MINDY3: variants seen among roughly 807,000 people sequenced by gnomAD.
MINDY3 encodes the protein ubiquitin carboxyl-terminal hydrolase MINDY-3.
Under a neutral mutation model 69.2 loss-of-function variants are expected in MINDY3, and 38 were observed. The ratio of observed to expected loss-of-function variants is 0.55; its 90% CI spans 0.42 to 0.72. MINDY3 has a LOEUF of 0.72. Ranked by LOEUF, MINDY3 falls within the 30% of genes least tolerant of loss-of-function variation. MINDY3 has a pLI of 0.00. For missense variants in MINDY3, 522 were observed against 519.0 expected (o/e 1.01, Z -0.06); for synonymous variants, 192 against 180.1 (o/e 1.07, Z -0.53).
chr10:15,784,724 G>GA (rs1836820223), intron 13 of MINDY3, among the ~76,000 whole-genome samples: 1 of 152,116 alleles, frequency 6.6e-6, no homozygotes, highest in Non-Finnish European at 1.5e-5. Flanking sequence ...GTAAAGGAGC[G>GA]AAACTCCATC....
chr10:15,835,807 T>C (rs1322820769), intron 6 of MINDY3, among the ~76,000 whole-genome samples: 1 of 152,076 alleles, frequency 6.6e-6, no homozygotes, highest in Non-Finnish European at 1.5e-5. Flanking sequence ...CAAATAGGTA[T>C]TTATTTACAT....
chr10:15,794,071 A>T (rs553074273), intron 11 of MINDY3, among the ~76,000 whole-genome samples: 2 of 152,204 alleles, frequency 1.3e-5, no homozygotes, highest in South Asian at 4.2e-4. Context: ...TTTATCAACC[A>T]GGGGTGGGAG....
At chr10:15,780,790 G>T (rs1836466286) in intron 14 of MINDY3, among the ~76,000 whole-genome samples, 1 of 152,010 alleles carries the variant, frequency 6.6e-6, no homozygotes, top group Non-Finnish European at 1.5e-5. Context: ...TTTTGTTGGT[G>T]TGTCAGAAGC....
At chr10:15,850,453 G>A (rs1027991118) in intron 1 of MINDY3, among the ~76,000 whole-genome samples, 1 of 152,122 alleles carries the variant, frequency 6.6e-6, no homozygotes, top group African/African-American at 2.4e-5. Context: ...CTTTTTCTCA[G>A]CAAGGAACAG....
chr10:15,779,197 G>T, intron 14 of MINDY3, 56 bp from the exon 15 acceptor site: 5 of 1,523,230 alleles, frequency 3.3e-6, no homozygotes. Flanking sequence ...AAATTCTTAT[G>T]TGGAATGAAA....
At chr10:15,839,835 T>C (rs981895895) in intron 4 of MINDY3, among the ~76,000 whole-genome samples, 1 of 151,682 alleles carries the variant, frequency 6.6e-6, no homozygotes, top group African/African-American at 2.4e-5. Flanking sequence ...TCATGGCAAC[T>C]TTTAAAATGA....
intron 10 of MINDY3, among the ~76,000 whole-genome samples, chr10:15,796,488 C>A (rs867553103): frequency 8.4e-4 from 118 of 140,456 alleles, no homozygotes; most frequent in Middle Eastern, 7.4e-3. Context: ...AAAAAAAAAA[C>A]AAAAAACAAA....
chr10:15,802,979 T>C (rs988514419), intron 10 of MINDY3, among the ~76,000 whole-genome samples: 1 of 152,178 alleles, frequency 6.6e-6, no homozygotes, highest in Non-Finnish European at 1.5e-5. Context: ...AAGAGATTAT[T>C]GTAAATTCAA....
chr10:15,844,557 T>C (rs1165716348), intron 2 of MINDY3, among the ~76,000 whole-genome samples: 1 of 152,182 alleles, frequency 6.6e-6, no homozygotes, highest in Non-Finnish European at 1.5e-5. Flanking sequence ...AGTTTACTTA[T>C]TATTTAAATT....
chr10:15,789,989 C>CAA (rs1472740939), intron 11 of MINDY3, among the ~76,000 whole-genome samples: 1 of 152,072 alleles, frequency 6.6e-6, no homozygotes, highest in Non-Finnish European at 1.5e-5. Flanking sequence ...TGGTTTTAAA[C>CAA]AAAAGTTGTT....
chr10:15,849,756 T>C (rs1378225905), intron 1 of MINDY3, among the ~76,000 whole-genome samples: 2 of 152,114 alleles, frequency 1.3e-5, no homozygotes, highest in African/African-American at 4.8e-5. Flanking sequence ...CTTCAATCTC[T>C]TCCAGGAAGC....
rs941604468 is a variant in MINDY3 at position 15,833,543 on chromosome 10, A to T, written c.730+87T>A. 5 of 843,522 alleles carry T rather than the reference A, an allele frequency of 5.9e-6. No homozygotes were observed. In the African/African-American group the frequency reaches 8.5e-5, roughly 14 times the overall value. 52.3% of individuals were successfully genotyped at this position (843,522 alleles called of 1,614,324 possible). A position where few individuals can be genotyped will look rare whatever the true frequency, so the allele number is the denominator to read the frequency against. ...AACACTTAACCTCTAGGTAATGTAG[A>T]GCCATTAAATAGACGAATAATAATC... On this transcript the variant is annotated intron_variant, in intron 8 of 14. Coordinates refer to ENST00000277632, the MANE Select transcript of MINDY3 (RefSeq NM_024948.4).
intron 1 of MINDY3, among the ~76,000 whole-genome samples, chr10:15,853,535 A>G (rs1834458061): frequency 6.6e-6 from 1 of 152,066 alleles, no homozygotes; most frequent in African/African-American, 2.4e-5. Context: ...CAATTTAAGA[A>G]CATACTTACT....
At chr10:15,820,662 C>A (rs553793300) in intron 9 of MINDY3, among the ~76,000 whole-genome samples, 4 of 152,244 alleles carry the variant, frequency 2.6e-5, no homozygotes, top group South Asian at 4.1e-4. Context: ...CAGGACAAAT[C>A]CAATTTGATT....
At chr10:15,823,142 G>C (rs1446942308) in intron 8 of MINDY3, among the ~76,000 whole-genome samples, 1 of 152,124 alleles carries the variant, frequency 6.6e-6, no homozygotes, top group East Asian at 1.9e-4. Context: ...TAAGGCAAGA[G>C]CTGACAGTTT....
At chr10:15,820,456 C>T (rs2131996852) in intron 9 of MINDY3, among the ~76,000 whole-genome samples, 1 of 152,292 alleles carries the variant, frequency 6.6e-6, no homozygotes, top group East Asian at 1.9e-4. Flanking sequence ...CTTGCCCCAC[C>T]CCCCGCCTCC....
intron 2 of MINDY3, among the ~76,000 whole-genome samples, chr10:15,843,823 T>C (rs1214662959): frequency 6.6e-6 from 1 of 152,112 alleles, no homozygotes. Context: ...TCAACGATGT[T>C]ACATTGGTTA....
At chr10:15,807,481 C>T (rs1838717443) in intron 10 of MINDY3, among the ~76,000 whole-genome samples, 1 of 152,150 alleles carries the variant, frequency 6.6e-6, no homozygotes, top group East Asian at 1.9e-4. Flanking sequence ...CCAAATTAAA[C>T]TTAGTAAGAC....
chr10:15,839,191 T>G (rs1018454540), intron 4 of MINDY3, among the ~76,000 whole-genome samples: 2 of 151,756 alleles, frequency 1.3e-5, no homozygotes, highest in Admixed American at 1.3e-4. Context: ...TTTTAGATTT[T>G]TATTTACAAT....
Sources: gnomAD v4.1 joint callset for allele counts (sites outside exome capture counted in the v4.1 genomes callset) on GRCh38, gnomAD v4.1.1 for gene constraint, MANE v1.5 for transcripts, NCBI Gene and HGNC (gene_info 2026-07-23, HGNC 2026-07-21) for gene names.